The following ASH1L variants were observed in gnomAD, a reference collection of about 807,000 sequenced individuals.
The protein encoded by ASH1L is histone-lysine N-methyltransferase ASH1L.
ASH1L carries 23 observed loss-of-function variants against 269.0 expected under a neutral mutation model. The ratio of observed to expected loss-of-function variants is 0.09; its 90% CI spans 0.06 to 0.12. ASH1L has a LOEUF of 0.12. Among genes scored for constraint, ASH1L ranks in the 10% least tolerant of loss-of-function variants. ASH1L has a pLI of 1.00. For synonymous variants in ASH1L, 1,187 were observed against 1,253.5 expected (o/e 0.95, Z 1.12); for missense variants, 2,912 against 3,567.8 (o/e 0.82, Z 4.68).
chr1:155,379,715 T>C (rs1318436041), intron 8 of ASH1L, among the ~76,000 whole-genome samples: 1 of 152,214 alleles, frequency 6.6e-6, no homozygotes, highest in Non-Finnish European at 1.5e-5. Flanking sequence ...TTAGTGCTGC[T>C]GGCAGTACAT....
chr1:155,547,876 T>A (rs1670938088), intron 1 of ASH1L, among the ~76,000 whole-genome samples: 2 of 152,224 alleles, frequency 1.3e-5, no homozygotes, highest in Non-Finnish European at 2.9e-5. Flanking sequence ...ACCAGAAGGC[T>A]AAAGCAGGAG....
chr1:155,534,697 A>C (rs1669929683), intron 1 of ASH1L, among the ~76,000 whole-genome samples: 1 of 152,154 alleles, frequency 6.6e-6, no homozygotes. Flanking sequence ...AGTCAAAGAG[A>C]GAGCTGAAAA....
intron 12 of ASH1L, among the ~76,000 whole-genome samples, chr1:155,360,967 G>A (rs779089983): frequency 2.6e-4 from 40 of 151,780 alleles, no homozygotes; most frequent in Non-Finnish European, 5.4e-4. Context: ...CAGACCAGGC[G>A]CCGTAGCTCA....
At chr1:155,530,908 G>A (rs937903911) in intron 1 of ASH1L, among the ~76,000 whole-genome samples, 14 of 151,746 alleles carry the variant, frequency 9.2e-5, no homozygotes, top group Non-Finnish European at 1.9e-4. Context: ...CAATAAGCTG[G>A]GTATGGTGGG....
chr1:155,512,998 G>A (rs1668265194), intron 2 of ASH1L, among the ~76,000 whole-genome samples: 1 of 151,508 alleles, frequency 6.6e-6, no homozygotes, highest in Non-Finnish European at 1.5e-5. Context: ...TCAAGGTCAA[G>A]GCTACAGTGA....
intron 17 of ASH1L, among the ~76,000 whole-genome samples, chr1:155,352,490 G>A (rs1418086088): frequency 1.3e-5 from 2 of 151,326 alleles, no homozygotes; most frequent in African/African-American, 4.9e-5. Context: ...AGATAATCAG[G>A]AGACAGAAAA....
At chr1:155,468,142 A>G (rs1439038244) in intron 3 of ASH1L, among the ~76,000 whole-genome samples, 1 of 151,974 alleles carries the variant, frequency 6.6e-6, no homozygotes, top group Non-Finnish European at 1.5e-5. Context: ...GTTCTGTAAA[A>G]GCTTCTCAGA....
chr1:155,419,047 CAAAT>C (rs1450909965), intron 5 of ASH1L, among the ~76,000 whole-genome samples: 1 of 151,370 alleles, frequency 6.6e-6, no homozygotes, highest in African/African-American at 2.4e-5. Flanking sequence ...CCTGGGAGGG[CAAAT>C]AAATAAATAA....
chr1:155,532,951 A>G (rs558389853), intron 1 of ASH1L, among the ~76,000 whole-genome samples: 18 of 110,320 alleles, frequency 1.6e-4, no homozygotes, highest in Middle Eastern at 4.1e-3. Flanking sequence ...GTGTGTGTGT[A>G]TATATATATG....
rs756828098 is a variant in ASH1L, at chr1:155,481,459, G to A, written c.1411C>T (p.Arg471Trp). 1.2e-5 allele frequency: 20 copies of A among 1,613,660 alleles called. No homozygotes were observed. Among genetic ancestry groups the A allele is most frequent in the East Asian group, 4.5e-5 (2 of 44,896 alleles). The change falls in exon 3 of 28, where the codon CGG (arginine) becomes TGG (tryptophan). Residue 471 changes from arginine to tryptophan, a missense_variant. By Grantham distance (101) the Arg-to-Trp change is moderately radical (BLOSUM62 -3). This residue lies in a region of ASH1L where 715 missense variants were observed against 721.0 expected (regional missense o/e 0.99). Transcript: ENST00000392403. Reference sequence around the variant, plus strand: ...TCCAATATGCTTTCTTTATTCTGCCGTACAACATTCTTTTCAAAAGTTTTG... The same window carrying A: ...TCCAATATGCTTTCTTTATTCTGCCATACAACATTCTTTTCAAAAGTTTTG... Reference protein sequence around the residue: ...TSKTFEKNVVRQNKESILEKF... With the variant: ...TSKTFEKNVVWQNKESILEKF...
intron 2 of ASH1L, among the ~76,000 whole-genome samples, chr1:155,492,331 C>T (rs939301596): frequency 1.3e-5 from 2 of 152,194 alleles, no homozygotes; most frequent in Non-Finnish European, 2.9e-5. Flanking sequence ...GCGTGAGCCA[C>T]CACGCCCAGT....
chr1:155,348,043 G>A (rs1396011339), intron 19 of ASH1L, 139 bp from the exon 20 acceptor site: 7 of 976,192 alleles, frequency 7.2e-6, no homozygotes, highest in Non-Finnish European at 1.1e-5. Context: ...CAAATATATG[G>A]CCAGATAGTT....
intron 1 of ASH1L, among the ~76,000 whole-genome samples, chr1:155,551,097 A>G (rs1468565331): frequency 6.6e-6 from 1 of 152,164 alleles, no homozygotes; most frequent in African/African-American, 2.4e-5. Context: ...CTGGGATTAC[A>G]GGGGAGAGCC....
rs1315133515 is a variant in ASH1L, at chr1:155,479,731, T to C, written c.3139A>G (p.Ile1047Val). The change falls in exon 3 of 28, where the codon ATA becomes GTA. Residue 1047 changes from isoleucine to valine, a missense_variant. Transcript: ENST00000392403. ...GGTTTGCGACCTCTTCTCTTTCCTA[T>C]ATAAATGGTTCCTTTCTTGCTGACA... ...INVSKKGTIY[I>V]GKRRGRKPKT... The C allele has an allele frequency of 2.5e-6, 4 of 1,614,204 alleles. No individual in the cohort carries two copies. The highest frequency in any genetic ancestry group is 3.3e-5 in the Admixed American group (2 of 60,034).
intron 1 of ASH1L, among the ~76,000 whole-genome samples, chr1:155,533,029 C>A (rs1571086326): frequency 1.3e-5 from 2 of 149,182 alleles, no homozygotes; most frequent in Admixed American, 6.7e-5. Context: ...AGATACAGAA[C>A]TACTCTGGAA....
chr1:155,424,978 G>GTT (rs949970290), intron 5 of ASH1L, among the ~76,000 whole-genome samples: 3 of 145,972 alleles, frequency 2.1e-5, no homozygotes, highest in South Asian at 4.4e-4. Flanking sequence ...TAGTTTTTGT[G>GTT]TTTTTTTTTT....
At chr1:155,451,712 C>T (rs1453685899) in intron 4 of ASH1L, among the ~76,000 whole-genome samples, 1 of 151,028 alleles carries the variant, frequency 6.6e-6, no homozygotes, top group Admixed American at 6.6e-5. Context: ...AGGAGCGAGA[C>T]TCTGAAAAAA....
chr1:155,478,641 G>C lies in ASH1L; in HGVS notation c.4229C>G (p.Pro1410Arg). 1 of 1,613,970 alleles carries C rather than the reference G, an allele frequency of 6.2e-7. No individual in the cohort carries two copies. Among genetic ancestry groups the C allele is most frequent in the Non-Finnish European group, 8.5e-7 (1 of 1,180,018 alleles). Residue 1410 changes from proline (P) to arginine (R), a missense_variant, in exon 3 of 28, where the codon CCA (proline) becomes CGA (arginine). Transcript: ENST00000392403. The surrounding 1 kb of genome is among the most constrained non-coding windows in gnomAD (Gnocchi z 4.6). The part of the protein sequence containing the change: ...YYGRYPPTLY[P>R]PPPSPSFTTP... ...GGTGAAAGAAGGAGATGGAGGAGGT[G>C]GATAAAGAGTGGGAGGATACCTTCC...
chr1:155,411,607 A>ATATATATATATATATATC (rs1659808263), intron 6 of ASH1L, among the ~76,000 whole-genome samples: 1 of 119,904 alleles, frequency 8.3e-6, no homozygotes, highest in African/African-American at 3.1e-5. Flanking sequence ...ATATATATAT[A>ATATATATATATATATATC]TATATATATA....
Sources: gnomAD v4.1 joint callset for allele counts (sites outside exome capture counted in the v4.1 genomes callset) on GRCh38, gnomAD v4.1.1 for gene constraint, gnomAD v4.1.1 regional missense constraint, Gnocchi (gnomAD v3.1) non-coding constraint, MANE v1.5 for transcripts, NCBI Gene and HGNC (gene_info 2026-07-23, HGNC 2026-07-21) for gene names.